The following MED12L variants were observed in gnomAD, a reference collection of about 807,000 sequenced individuals.
MED12L encodes the protein mediator complex subunit 12L, also known as mediator of RNA polymerase II transcription subunit 12-like protein.
In MED12L, 60 loss-of-function variants were observed where a neutral mutation model predicts 281.3. That is an observed-to-expected ratio of 0.21 (90% CI 0.17 to 0.26). The LOEUF is 0.26. Among genes scored for constraint, MED12L ranks in the 10% least tolerant of loss-of-function variants. MED12L has a pLI of 1.00. For synonymous variants in MED12L, 974 were observed against 987.2 expected (o/e 0.99, Z 0.25); for missense variants, 2,146 against 2,680.9 (o/e 0.80, Z 4.41).
At chr3:151,159,688 C>T in intron 7 of MED12L, 144 bp from the exon 8 acceptor site, 1 of 701,592 alleles carries the variant, frequency 1.4e-6, no homozygotes, top group Non-Finnish European at 2.3e-6. Context: ...GTGTGGCTCA[C>T]ATTCTATTTC....
intron 16 of MED12L, among the ~76,000 whole-genome samples, chr3:151,242,180 A>G (rs1474503328): frequency 6.6e-5 from 10 of 152,156 alleles, no homozygotes; most frequent in Non-Finnish European, 1.5e-4. Context: ...ACTGCAAGGC[A>G]GCAACACGGC....
rs750780164 is a variant in MED12L, at chr3:151,416,433, T to C, written c.6408+11T>C. On this transcript the variant is annotated intron_variant, in intron 43 of 44. Coordinates refer to ENST00000687756, the MANE Select transcript of MED12L (RefSeq NM_001393769.1). ...CCCCAGCAGCCCTTGGTAAGGCCTG[T>C]TGTTTTGGAATCAGACATGTGGGTT... The C allele has an allele frequency of 2.5e-6, 4 of 1,611,110 alleles. No homozygotes were observed. Among genetic ancestry groups the C allele is most frequent in the Middle Eastern group, 1.6e-4 (1 of 6,070 alleles).
At chr3:151,177,588 C>T (rs1055600565) in intron 11 of MED12L, among the ~76,000 whole-genome samples, 2 of 152,052 alleles carry the variant, frequency 1.3e-5, no homozygotes, top group East Asian at 1.9e-4. Context: ...CTTCTAGGCT[C>T]AAGCTCTCTT....
Position 151,382,762 on chromosome 3 carries a change from G to T in MED12L, c.4680+17G>T, listed in dbSNP as rs1230431709. On this transcript the variant is annotated intron_variant, in intron 33 of 44. Transcript: ENST00000687756. Reference sequence around the variant, plus strand: ...CTAAATTTGGTAAGTGACATTTCTAGTATTTTCCCTCCATTAAACATATTT... The same window carrying T: ...CTAAATTTGGTAAGTGACATTTCTATTATTTTCCCTCCATTAAACATATTT... 2 of 1,589,296 alleles carry T rather than the reference G, an allele frequency of 1.3e-6. No homozygotes were observed.
intron 9 of MED12L, among the ~76,000 whole-genome samples, chr3:151,164,769 G>A (rs529285704): frequency 4.0e-5 from 6 of 151,646 alleles, no homozygotes; most frequent in Non-Finnish European, 5.9e-5. Flanking sequence ...ACCAAACACC[G>A]CATGTTCTCA....
At chr3:151,305,406 T>C (rs1246570256) in intron 16 of MED12L, among the ~76,000 whole-genome samples, 1 of 152,222 alleles carries the variant, frequency 6.6e-6, no homozygotes, top group Non-Finnish European at 1.5e-5. Flanking sequence ...GCTATTTTAC[T>C]AACCATGTTT....
rs1029154056 is a variant in MED12L at position 151,214,307 on chromosome 3, A to G, written c.2250+20641A>G. On this transcript the variant is annotated intron_variant, in intron 16 of 44. Transcript: ENST00000687756. ...TCATCTGGAGGCTGTGTGGAGGTTG[A>G]ATTGATCATCTTGTAACTTCTGAAG... The G allele has an allele frequency of 6.2e-7, 1 of 1,612,640 alleles. No homozygotes were observed. Among genetic ancestry groups the G allele is most frequent in the Non-Finnish European group, 8.5e-7 (1 of 1,179,232 alleles).
intron 5 of MED12L, among the ~76,000 whole-genome samples, chr3:151,148,831 C>T (rs1260746882): frequency 6.6e-6 from 1 of 152,186 alleles, no homozygotes; most frequent in African/African-American, 2.4e-5. Flanking sequence ...AAAACCTATA[C>T]ATACACATAC....
chr3:151,348,828 A>T (rs879772805), intron 16 of MED12L, among the ~76,000 whole-genome samples: 1 of 152,202 alleles, frequency 6.6e-6, no homozygotes, highest in Non-Finnish European at 1.5e-5. Flanking sequence ...GCAATATGCT[A>T]CTTTGTGCAG....
chr3:151,339,431 T>TAAAAA lies in MED12L; in HGVS notation c.2251-10619_2251-10615dup, dbSNP rs3975402. ...CTTATTAAATAAAATACTGAATCAG[T>TAAAAA]AAAAAAAAAAAAAGCTGACCTTTTT... On this transcript the variant is annotated intron_variant, in intron 16 of 44. Coordinates refer to ENST00000687756, the MANE Select transcript of MED12L (RefSeq NM_001393769.1). Among the ~76,000 whole-genome samples, 8 of 145,888 alleles carry TAAAAA rather than the reference T, an allele frequency of 5.5e-5. No homozygotes were observed. The East Asian group carries it at 6.0e-4, about 11-fold the overall frequency.
chr3:151,334,192 C>CTTTTTTTTTTTTT lies in MED12L; in HGVS notation c.2251-15864_2251-15863insTTTTTTTTTTTTT, dbSNP rs71848482. Among the ~76,000 whole-genome samples, 133 of 99,352 alleles carry CTTTTTTTTTTTTT rather than the reference C, an allele frequency of 1.3e-3. 13 individuals carry two copies. Among genetic ancestry groups the CTTTTTTTTTTTTT allele is most frequent in the East Asian group, 0.011 (33 of 3,044 alleles). The allele number at this position is 99,352 out of a possible 152,430, so 65.2% of individuals were successfully genotyped here. ...GATGTTATGTGTTTTTTCTTTCTTT[C>CTTTTTTTTTTTTT]TTTCTTTTTTTTTTTGCCATTTCTA... On this transcript the variant is annotated intron_variant, in intron 16 of 44. Coordinates refer to ENST00000687756, the MANE Select transcript of MED12L (RefSeq NM_001393769.1).
intron 27 of MED12L, among the ~76,000 whole-genome samples, 162 bp downstream of exon 27, chr3:151,372,928 TA>T (rs917127241): frequency 5.9e-5 from 9 of 152,342 alleles, no homozygotes; most frequent in African/African-American, 2.2e-4. Context: ...GAATTATTTT[TA>T]AAAAACTCAT....
chr3:151,301,750 A>T (rs1347034202), intron 16 of MED12L, among the ~76,000 whole-genome samples: 1 of 152,236 alleles, frequency 6.6e-6, no homozygotes, highest in African/African-American at 2.4e-5. Context: ...ACAGACAGTA[A>T]CAAGTGTTGC....
chr3:151,086,692 C>T (rs932522740), intron 1 of MED12L, 106 bp from the exon 2 acceptor site: 2 of 378,704 alleles, frequency 5.3e-6, no homozygotes, highest in Non-Finnish European at 9.5e-6. Context: ...CGGTGCGTCC[C>T]GGGGCTCGAG....
chr3:151,128,046 T>C (rs984120919), intron 5 of MED12L, 62 bp downstream of exon 5: 5 of 1,450,896 alleles, frequency 3.4e-6, no homozygotes, highest in Middle Eastern at 3.6e-4. Flanking sequence ...AATTGTTGCC[T>C]GTACCCTCTG....
At chr3:151,351,613 T>C (rs2150026937) in intron 17 of MED12L, among the ~76,000 whole-genome samples, 1 of 152,334 alleles carries the variant, frequency 6.6e-6, no homozygotes, top group Middle Eastern at 3.4e-3. Flanking sequence ...GAAGATTGAA[T>C]TTAGAAGCCC....
At chr3:151,128,509 C>T (rs1445960863) in intron 5 of MED12L, among the ~76,000 whole-genome samples, 1 of 150,822 alleles carries the variant, frequency 6.6e-6, no homozygotes, top group Non-Finnish European at 1.5e-5. Flanking sequence ...CTGTGATGTT[C>T]CAGCCACAGT....
At chr3:151,252,562 C>G (rs1737055114) in intron 16 of MED12L, among the ~76,000 whole-genome samples, 1 of 152,052 alleles carries the variant, frequency 6.6e-6, no homozygotes. Flanking sequence ...GTGTTGCTTC[C>G]TTAATTTTCT....
At chr3:151,336,484 ATTTC>A (rs756763507) in intron 16 of MED12L, 7 of 456,108 alleles carry the variant, frequency 1.5e-5, no homozygotes, top group African/African-American at 1.0e-4. Flanking sequence ...ACACCCTTTT[ATTTC>A]TTCTGGCATT....
Sources: gnomAD v4.1 joint callset for allele counts (sites outside exome capture counted in the v4.1 genomes callset) on GRCh38, gnomAD v4.1.1 for gene constraint, MANE v1.5 for transcripts, NCBI Gene and HGNC (gene_info 2026-07-23, HGNC 2026-07-21) for gene names.